The following CYFIP2 variants were observed in gnomAD, a reference collection of about 807,000 sequenced individuals.
CYFIP2 encodes the protein cytoplasmic FMR1-interacting protein 2.
Under a neutral mutation model 158.7 loss-of-function variants are expected in CYFIP2, and 29 were observed. The observed-to-expected ratio is 0.18, with a 90% confidence interval of 0.14 to 0.25. The LOEUF (loss-of-function observed/expected upper bound fraction) is 0.25. Among genes scored for constraint, CYFIP2 ranks in the 10% least tolerant of loss-of-function variants. The probability of loss-of-function intolerance (pLI) is 1.00; values close to 1 mark genes in which losing one functional copy is unlikely to be tolerated. For missense variants in CYFIP2, 852 were observed against 1,639.5 expected (o/e 0.52, Z 8.29); for synonymous variants, 585 against 617.6 (o/e 0.95, Z 0.78).
chr5:157,370,367 A>G (rs1194634531), intron 26 of CYFIP2, among the ~76,000 whole-genome samples: 1 of 152,216 alleles, frequency 6.6e-6, no homozygotes, highest in African/African-American at 2.4e-5. Flanking sequence ...ACTGAAACTT[A>G]ATTTTAAAAG....
intron 6 of CYFIP2, among the ~76,000 whole-genome samples, chr5:157,302,164 G>A (rs987620008): frequency 1.2e-4 from 19 of 152,180 alleles, no homozygotes; most frequent in African/African-American, 4.1e-4. Flanking sequence ...AAGGTGGGGT[G>A]TCTTGTCTGT....
chr5:157,289,932 G>A (rs146891869), intron 3 of CYFIP2, among the ~76,000 whole-genome samples: 16 of 152,318 alleles, frequency 1.1e-4, no homozygotes, highest in Non-Finnish European at 1.5e-4. Flanking sequence ...TAGGAATGAG[G>A]CAAATAAATT....
chr5:157,351,175 G>A (rs1347214093), intron 23 of CYFIP2, among the ~76,000 whole-genome samples: 2 of 152,112 alleles, frequency 1.3e-5, no homozygotes, highest in Non-Finnish European at 2.9e-5. Context: ...ATATTATAAT[G>A]CCTGTCTTGT....
At chr5:157,320,903 C>T (rs1217760019) in intron 15 of CYFIP2, 101 bp downstream of exon 15, 8 of 1,392,882 alleles carry the variant, frequency 5.7e-6, no homozygotes, top group African/African-American at 1.5e-5. Context: ...TGGGAGCCGT[C>T]GGTCAGGAGG....
At chr5:157,355,600 T>C (rs1490427702) in intron 23 of CYFIP2, among the ~76,000 whole-genome samples, 1 of 152,138 alleles carries the variant, frequency 6.6e-6, no homozygotes, top group Admixed American at 6.5e-5. Flanking sequence ...CCAAAGCCCA[T>C]CCTATGGACT....
At chr5:157,385,277 G>A (rs917992020) in intron 28 of CYFIP2, among the ~76,000 whole-genome samples, 4 of 152,182 alleles carry the variant, frequency 2.6e-5, no homozygotes, top group African/African-American at 7.2e-5. Context: ...CAAATGCCTA[G>A]TGTTTAACAA....
intron 26 of CYFIP2, among the ~76,000 whole-genome samples, chr5:157,373,976 T>C (rs1390356341): frequency 6.6e-6 from 1 of 152,204 alleles, no homozygotes; most frequent in Admixed American, 6.5e-5. Flanking sequence ...AGGACAGTCT[T>C]TGCCTAGGGG....
intron 21 of CYFIP2, among the ~76,000 whole-genome samples, chr5:157,338,042 T>C (rs762239002): frequency 1.3e-5 from 2 of 152,040 alleles, no homozygotes; most frequent in Non-Finnish European, 2.9e-5. Flanking sequence ...AGCACAGGAG[T>C]GGCCTAAGGT....
intron 13 of CYFIP2, among the ~76,000 whole-genome samples, chr5:157,316,352 G>A (rs1336490551): frequency 6.6e-6 from 1 of 151,948 alleles, no homozygotes; most frequent in Non-Finnish European, 1.5e-5. Context: ...TAGACATTTA[G>A]ACCAAAAACA....
At chr5:157,348,664 A>T (rs945711441) in intron 23 of CYFIP2, among the ~76,000 whole-genome samples, 13 of 152,208 alleles carry the variant, frequency 8.5e-5, no homozygotes, top group Non-Finnish European at 1.3e-4. Context: ...CACCCACCTC[A>T]GCCTCCCAAA....
Position 157,361,297 on chromosome 5 carries a change from A to G in CYFIP2, c.2909-171A>G. ...TGAGCCAGCTACTCGAACTTTGTCC[A>G]GTACTGAGCCCTGAAAGAAATCTCA... On this transcript the variant is annotated intron_variant, in intron 25 of 30. Coordinates refer to ENST00000620254, the MANE Select transcript of CYFIP2 (RefSeq NM_001037333.3). The surrounding 1 kb of genome is among the most constrained non-coding windows in gnomAD (Gnocchi z 4.4). 1.4e-6 allele frequency: 1 copy of G among 714,816 alleles called. No individual in the cohort carries two copies. Among genetic ancestry groups the G allele is most frequent in the Non-Finnish European group, 2.3e-6 (1 of 441,300 alleles). 44.3% of individuals were successfully genotyped at this position (714,816 alleles called of 1,614,324 possible).
chr5:157,290,245 C>T (rs1008773114), intron 3 of CYFIP2, among the ~76,000 whole-genome samples: 6 of 152,208 alleles, frequency 3.9e-5, no homozygotes, highest in East Asian at 1.9e-4. Flanking sequence ...AGAAGTCTGA[C>T]GTGGGTCTTA....
At position 157,393,153 on chromosome 5, in the gene CYFIP2, G is replaced by A; in HGVS notation, c.*153G>A. 3 of 701,444 alleles carry A rather than the reference G, an allele frequency of 4.3e-6. No homozygotes were observed. The highest frequency in any genetic ancestry group is 4.3e-5 in the South Asian group (2 of 46,834). The allele number at this position is 701,444 out of a possible 1,614,324, so 43.5% of individuals were successfully genotyped here. A position where few individuals can be genotyped will look rare whatever the true frequency, so the allele number is the denominator to read the frequency against. ...ACACATCACCACTCCCTAGGGCGGG[G>A]CCTGTGCATGCTCTCCCATGACATC... On this transcript the variant is annotated 3_prime_UTR_variant, in exon 31 of 31. Coordinates refer to ENST00000620254, the MANE Select transcript of CYFIP2 (RefSeq NM_001037333.3).
At position 157,299,925 on chromosome 5, in the gene CYFIP2, A is replaced by C. The variant is rs145080848; in HGVS notation, c.388-790A>C. ...AAAACAAAACAAAACAAAACAAAAA[A>C]CTAGAATGTAAATTCCTGAAGGCAG... is the stretch of plus-strand genomic sequence containing the variant. On this transcript the variant is annotated intron_variant, in intron 5 of 30. Coordinates refer to ENST00000620254, the MANE Select transcript of CYFIP2 (RefSeq NM_001037333.3). Among the ~76,000 whole-genome samples, 477 of 152,188 alleles carry C rather than the reference A, an allele frequency of 3.1e-3. 2 individuals are homozygous for C. Among genetic ancestry groups the C allele is most frequent in the African/African-American group, 9.6e-3 (399 of 41,524 alleles).
At position 157,296,732 on chromosome 5, in the gene CYFIP2, G is replaced by A. The variant is rs1308066202; in HGVS notation, c.345G>A (p.Leu115=). Residue 115 remains leucine, a synonymous_variant, in exon 5 of 31, where the codon CTG becomes CTA. Coordinates refer to ENST00000620254, the MANE Select transcript of CYFIP2 (RefSeq NM_001037333.3). ...VEIYEKTVEV[L]EPEVTKLMKF... is the part of the protein sequence containing the mutation. ...TCTATGAGAAGACAGTAGAGGTGCT[G>A]GAGCCGGAGGTCACCAAGCTCATGA... 6.2e-7 allele frequency: 1 copy of A among 1,613,764 alleles called. No individual in the cohort carries two copies. Among genetic ancestry groups the A allele is most frequent in the East Asian group, 2.2e-5 (1 of 44,890 alleles).
chr5:157,368,437 GA>G (rs201745933), intron 26 of CYFIP2, among the ~76,000 whole-genome samples: 2 of 151,546 alleles, frequency 1.3e-5, no homozygotes, highest in Middle Eastern at 3.2e-3. Flanking sequence ...CACTCTGAGG[GA>G]AAAAAAACTC....
At chr5:157,319,485 T>G (rs937227644) in intron 13 of CYFIP2, among the ~76,000 whole-genome samples, 1 of 152,244 alleles carries the variant, frequency 6.6e-6, no homozygotes. Context: ...TGGGAGCTCA[T>G]GCGAGGATGA....
Position 157,280,483 on chromosome 5 carries a change from CA to C in CYFIP2, c.-23-4853del, listed in dbSNP as rs538947490. Among the ~76,000 whole-genome samples, 347 of 151,790 alleles carry C rather than the reference CA, an allele frequency of 2.3e-3. 1 individual carries two copies. Among genetic ancestry groups the C allele is most frequent in the African/African-American group, 8.1e-3 (335 of 41,338 alleles). On this transcript the variant is annotated intron_variant, in intron 1 of 30. Transcript: ENST00000620254. Reference sequence around the variant, plus strand: ...AGGTGATCCACCCGTCTCAGCCTCCCAAAGTGCTGGGATTACAGGCGTGAGC... The same window carrying C: ...AGGTGATCCACCCGTCTCAGCCTCCCAAGTGCTGGGATTACAGGCGTGAGC...
At chr5:157,384,546 G>T (rs1360844736) in intron 28 of CYFIP2, 1 of 454,652 alleles carries the variant, frequency 2.2e-6, no homozygotes, top group Non-Finnish European at 4.4e-6. Flanking sequence ...TATTTTTGGA[G>T]CACGATGCAA....
Sources: gnomAD v4.1 joint callset for allele counts (sites outside exome capture counted in the v4.1 genomes callset) on GRCh38, gnomAD v4.1.1 for gene constraint, Gnocchi (gnomAD v3.1) non-coding constraint, MANE v1.5 for transcripts, NCBI Gene and HGNC (gene_info 2026-07-23, HGNC 2026-07-21) for gene names.